GYS2: variants seen among roughly 807,000 people sequenced by gnomAD.
The protein encoded by GYS2 is glycogen [starch] synthase, liver.
Under a neutral mutation model 85.6 loss-of-function variants are expected in GYS2, and 80 were observed. The ratio of observed to expected loss-of-function variants is 0.93; its 90% CI spans 0.78 to 1.13. The LOEUF is 1.13. Ranked by LOEUF, GYS2 falls within the 50% of genes most tolerant of loss-of-function variation. GYS2 has a pLI of 0.00. For missense variants in GYS2, 881 were observed against 854.9 expected (o/e 1.03, Z -0.38); for synonymous variants, 328 against 300.7 (o/e 1.09, Z -0.94).
chr12:21,565,450 A>G (rs1375093111), intron 5 of GYS2, among the ~76,000 whole-genome samples: 4 of 129,556 alleles, frequency 3.1e-5, no homozygotes, highest in Non-Finnish European at 6.3e-5. Flanking sequence ...TTACTGCACC[A>G]TTATATAGGT....
At chr12:21,540,673 T>C in intron 13 of GYS2, 100 bp from the exon 14 acceptor site, 2 of 1,008,282 alleles carry the variant, frequency 2.0e-6, no homozygotes, top group East Asian at 2.4e-5. Flanking sequence ...CAAAAACCTA[T>C]GCATTATCTA....
intron 1 of GYS2, 37 bp downstream of exon 1, chr12:21,604,435 G>A (rs768509901): frequency 1.7e-5 from 20 of 1,201,502 alleles, no homozygotes; most frequent in Non-Finnish European, 2.0e-5. Context: ...GTCACCTAGT[G>A]AAGGTGTACT....
intron 13 of GYS2, 27 bp downstream of exon 13, chr12:21,542,469 G>T (rs764126466): frequency 1.8e-5 from 26 of 1,433,412 alleles, no homozygotes; most frequent in Non-Finnish European, 2.3e-5. Context: ...TGTCTCCCCA[G>T]CATGGGTTAA....
intron 11 of GYS2, among the ~76,000 whole-genome samples, chr12:21,556,497 G>A (rs1426041551): frequency 6.6e-6 from 1 of 152,104 alleles, no homozygotes; most frequent in East Asian, 1.9e-4. Context: ...GTGTGTCAGG[G>A]TCATCATTCA....
downstream of GYS2, among the ~76,000 whole-genome samples, chr12:21,533,475 C>G (rs1435279379): frequency 6.6e-6 from 1 of 152,182 alleles, no homozygotes; most frequent in Non-Finnish European, 1.5e-5. Flanking sequence ...TCGCTTCATA[C>G]TGGGCTATAA....
intron 12 of GYS2, among the ~76,000 whole-genome samples, 163 bp from the exon 13 acceptor site, chr12:21,542,754 C>G (rs1367487598): frequency 6.6e-6 from 1 of 152,210 alleles, no homozygotes; most frequent in African/African-American, 2.4e-5. Flanking sequence ...TATTTAATCT[C>G]TCAACAACCC....
At chr12:21,553,796 A>AACAC (rs3061568) in intron 11 of GYS2, among the ~76,000 whole-genome samples, 13,359 of 150,950 alleles carry the variant, frequency 0.088, 1,245 homozygotes, top group African/African-American at 0.23. Context: ...ACACACATAT[A>AACAC]ACACACACAC....
At chr12:21,594,431 A>G (rs532049751) in intron 1 of GYS2, among the ~76,000 whole-genome samples, 47 of 152,334 alleles carry the variant, frequency 3.1e-4, no homozygotes, top group African/African-American at 1.0e-3. Context: ...AGCATATGAA[A>G]CAAGCAATGT....
intron 15 of GYS2, among the ~76,000 whole-genome samples, chr12:21,538,341 G>A (rs1943933870): frequency 6.6e-6 from 1 of 152,190 alleles, no homozygotes; most frequent in Non-Finnish European, 1.5e-5. Flanking sequence ...ATTAGGGATG[G>A]TTGTTTATGG....
intron 11 of GYS2, among the ~76,000 whole-genome samples, chr12:21,550,193 C>T (rs746980078): frequency 1.1e-3 from 174 of 152,190 alleles, no homozygotes; most frequent in Non-Finnish European, 4.0e-4. Context: ...TCAGCCAATT[C>T]TAAAGGCAGC....
chr12:21,539,090 G>A (rs1943942711), intron 15 of GYS2, among the ~76,000 whole-genome samples, 168 bp downstream of exon 15: 1 of 152,168 alleles, frequency 6.6e-6, no homozygotes, highest in African/African-American at 2.4e-5. Context: ...TGTCTTGAGA[G>A]CTTTAGGACA....
At chr12:21,562,107 C>T (rs1195303669) in intron 7 of GYS2, among the ~76,000 whole-genome samples, 1 of 152,054 alleles carries the variant, frequency 6.6e-6, no homozygotes, top group Non-Finnish European at 1.5e-5. Flanking sequence ...TTTATTTATG[C>T]ATATTGTGTT....
At chr12:21,597,839 A>G (rs1944713350) in intron 1 of GYS2, among the ~76,000 whole-genome samples, 1 of 152,200 alleles carries the variant, frequency 6.6e-6, no homozygotes, top group African/African-American at 2.4e-5. Context: ...TGTGGTGTAT[A>G]CACACAATTG....
intron 1 of GYS2, among the ~76,000 whole-genome samples, chr12:21,585,676 T>C (rs989947802): frequency 6.6e-6 from 1 of 152,168 alleles, no homozygotes; most frequent in East Asian, 1.9e-4. Flanking sequence ...ACGTGACCAA[T>C]TGCAGATACA....
At position 21,537,126 on chromosome 12, in the gene GYS2, G is replaced by T; in HGVS notation, c.1940C>A (p.Ser647Ter). The change falls in exon 16 of 16, where the codon TCA (serine) becomes TAA (stop). Residue 647 changes from serine (S) to a stop codon, truncating the protein, a stop_gained. Coordinates refer to ENST00000261195, the MANE Select transcript of GYS2 (RefSeq NM_021957.4). LOFTEE classifies it high-confidence loss of function. Reference protein sequence around the residue: ...PRPSSVPPSPSGSQASSPQSS... With the variant: ...PRPSSVPPSP ...CTGAGGACTGGAGGCCTGAGACCCT[G>T]AAGGAGAAGGTGGTACTGAGGAAGG... The T allele has an allele frequency of 6.2e-7, 1 of 1,613,906 alleles. No individual in the cohort carries two copies. The highest frequency in any genetic ancestry group is 1.1e-5 in the South Asian group (1 of 91,080).
intron 11 of GYS2, among the ~76,000 whole-genome samples, chr12:21,554,101 T>A (rs570568897): frequency 6.6e-6 from 1 of 151,974 alleles, no homozygotes; most frequent in South Asian, 2.1e-4. Context: ...TTGACTTTCC[T>A]TTCTAGGAAG....
intron 1 of GYS2, among the ~76,000 whole-genome samples, chr12:21,595,545 C>T (rs545902939): frequency 1.3e-5 from 2 of 152,208 alleles, no homozygotes; most frequent in African/African-American, 4.8e-5. Flanking sequence ...GCCATTCCTG[C>T]CTGGCATAGC....
At chr12:21,541,268 C>CAAAAAAAAAAAAAAAAAAAAA (rs3832848) in intron 13 of GYS2, among the ~76,000 whole-genome samples, 1 of 46,330 alleles carries the variant, frequency 2.2e-5, no homozygotes, top group Non-Finnish European at 3.8e-5. Context: ...ACCATGTTTC[C>CAAAAAAAAAAAAAAAAAAAAA]AAAAAAAAAA....
rs140034247 is a variant in GYS2, at chr12:21,542,816, C to G, written c.1550-225G>C. Among the ~76,000 whole-genome samples, 156 of 152,312 alleles carry G rather than the reference C, an allele frequency of 1.0e-3. 3 individuals carry two copies. Among genetic ancestry groups the G allele is most frequent in the African/African-American group, 3.6e-3 (151 of 41,560 alleles). ...ATCTTACAGCTGAAGAAATGAGGCA[C>G]AGAGAAATTAATAACTTTCCCACCT... On this transcript the variant is annotated intron_variant, in intron 12 of 15. Coordinates refer to ENST00000261195, the MANE Select transcript of GYS2 (RefSeq NM_021957.4).
Sources: allele counts gnomAD v4.1 joint callset (sites outside exome capture counted in the v4.1 genomes callset), GRCh38; gene constraint gnomAD v4.1.1; transcripts MANE v1.5; gene names NCBI Gene and HGNC (gene_info 2026-07-23, HGNC 2026-07-21).